Variants in EVC2 observed in about 807,000 individuals in gnomAD.
The protein encoded by EVC2 is EvC ciliary complex subunit 2, also known as limbin.
A neutral mutation model predicts 149.3 loss-of-function variants in EVC2; 148 were observed. The observed-to-expected ratio is 0.99, with a 90% confidence interval of 0.87 to 1.14. EVC2 has a LOEUF of 1.14. EVC2 is among the 50% of genes most tolerant of loss of function. The pLI is 0.00. For synonymous variants in EVC2, 776 were observed against 649.9 expected (o/e 1.19, Z -2.95); for missense variants, 1,854 against 1,627.3 (o/e 1.14, Z -2.40).
chr4:5,698,928 G>A (rs901628690), intron 1 of EVC2, among the ~76,000 whole-genome samples: 3 of 152,220 alleles, frequency 2.0e-5, no homozygotes, highest in East Asian at 1.9e-4. Context: ...TGGCTCTCAC[G>A]CGGGCCAGAC....
At chr4:5,693,197 T>A (rs191202135) in intron 3 of EVC2, among the ~76,000 whole-genome samples, 2 of 152,210 alleles carry the variant, frequency 1.3e-5, no homozygotes, top group Admixed American at 1.3e-4. Flanking sequence ...ACGAGTTACC[T>A]GTAACTGGAG....
rs897285996 is a variant in EVC2 at position 5,686,830 on chromosome 4, G to A, written c.707-1351C>T. Among the ~76,000 whole-genome samples the A allele has an allele frequency of 2.0e-5, 3 of 151,656 alleles. No individual in the cohort carries two copies. Among genetic ancestry groups the A allele is most frequent in the Admixed American group, 6.6e-5 (1 of 15,228 alleles). ...CCTGTGCCCCAAGGTGAAAATCAAT[G>A]TCACATTCCTTGGCGTAGCGGTGAG... On this transcript the variant is annotated intron_variant, in intron 5 of 21. Transcript: ENST00000344408. This position sits in a 1 kb window ranked among gnomAD's most constrained non-coding sequence, Gnocchi z 5.4.
At chr4:5,682,774 G>A (rs145696745) in intron 6 of EVC2, among the ~76,000 whole-genome samples, 2 of 151,304 alleles carry the variant, frequency 1.3e-5, no homozygotes, top group Admixed American at 6.6e-5. Context: ...GAGGAGAATC[G>A]CTTGAACCTG....
At chr4:5,655,945 A>G (rs1718495066) in intron 9 of EVC2, among the ~76,000 whole-genome samples, 1 of 152,232 alleles carries the variant, frequency 6.6e-6, no homozygotes, top group Non-Finnish European at 1.5e-5. Context: ...GTTCAATTCC[A>G]GAACTATTTC....
chr4:5,579,453 T>TA (rs1389815728), intron 17 of EVC2, among the ~76,000 whole-genome samples: 1 of 152,134 alleles, frequency 6.6e-6, no homozygotes, highest in Non-Finnish European at 1.5e-5. Context: ...ATCAGACTAG[T>TA]GAAGCTGGGC....
chr4:5,662,079 C>T (rs567653221), intron 9 of EVC2, among the ~76,000 whole-genome samples: 1 of 152,254 alleles, frequency 6.6e-6, no homozygotes, highest in South Asian at 2.1e-4. Context: ...CCCCTGCTGC[C>T]TCTTCTTTAT....
chr4:5,629,485 T>C (rs1309468030), intron 11 of EVC2, among the ~76,000 whole-genome samples: 1 of 152,234 alleles, frequency 6.6e-6, no homozygotes, highest in Non-Finnish European at 1.5e-5. Flanking sequence ...GGCATAGTAA[T>C]TAGACCAGGA....
the EVC2 span, among the ~76,000 whole-genome samples, chr4:5,534,549 A>G: frequency 6.6e-6 from 1 of 152,238 alleles, no homozygotes. Flanking sequence ...GAGGATTGTG[A>G]TACAGTGCTA....
chr4:5,582,693 G>T (rs921689539), intron 17 of EVC2, among the ~76,000 whole-genome samples: 1 of 152,192 alleles, frequency 6.6e-6, no homozygotes, highest in African/African-American at 2.4e-5. Context: ...CATGGTATTT[G>T]GGTGGGACTA....
chr4:5,683,768 C>A (rs1560222247), intron 6 of EVC2, among the ~76,000 whole-genome samples: 1 of 152,032 alleles, frequency 6.6e-6, no homozygotes, highest in African/African-American at 2.4e-5. Context: ...CAAGCCAGCC[C>A]GGCCCAGGAA....
chr4:5,618,419 G>T lies in EVC2; in HGVS notation c.2706+59C>A. 1.2e-6 allele frequency: 2 copies of T among 1,601,046 alleles called. No individual in the cohort carries two copies. The highest frequency in any genetic ancestry group is 1.1e-5 in the South Asian group (1 of 90,196). On this transcript the variant is annotated intron_variant, in intron 15 of 21. Coordinates refer to ENST00000344408, the MANE Select transcript of EVC2 (RefSeq NM_147127.5). The surrounding 1 kb of genome is among the most constrained non-coding windows in gnomAD (Gnocchi z 4.4). ...CTGGGGAAGAGGCCAGACCCTGTAG[G>T]GCCAGCAGCTGGGAGACGGCCCTGC...
intron 14 of EVC2, among the ~76,000 whole-genome samples, chr4:5,621,208 T>C (rs1347952551): frequency 2.6e-5 from 4 of 152,200 alleles, no homozygotes; most frequent in Non-Finnish European, 4.4e-5. Flanking sequence ...CATTAAATCA[T>C]GGAGGCCAGC....
intron 16 of EVC2, among the ~76,000 whole-genome samples, chr4:5,603,031 G>A (rs1714117554): frequency 6.6e-6 from 1 of 152,188 alleles, no homozygotes; most frequent in Admixed American, 6.5e-5. Context: ...CTGTTTAAAA[G>A]AAGGCATGCG....
chr4:5,568,405 G>C, intron 20 of EVC2, 39 bp downstream of exon 20: 1 of 1,534,326 alleles, frequency 6.5e-7, no homozygotes, highest in Non-Finnish European at 8.7e-7. Flanking sequence ...CTTGTGGACA[G>C]GGACGTGCCC....
At chr4:5,650,638 T>TATATATATATAGAGAGAGAGAGAG (rs1162935817) in intron 9 of EVC2, among the ~76,000 whole-genome samples, 3 of 45,088 alleles carry the variant, frequency 6.7e-5, no homozygotes, top group Non-Finnish European at 1.2e-4. Flanking sequence ...TATATATATA[T>TATATATATATAGAGAGAGAGAGAG]AGAGAGAGAG....
intron 9 of EVC2, among the ~76,000 whole-genome samples, chr4:5,642,472 G>C (rs192608544): frequency 6.6e-6 from 1 of 152,074 alleles, no homozygotes; most frequent in East Asian, 1.9e-4. Context: ...TTTATCATGT[G>C]ATAGACCACC....
rs942506078 is a variant in EVC2 at position 5,686,215 on chromosome 4, T to C, written c.707-736A>G. On this transcript the variant is annotated intron_variant, in intron 5 of 21. Coordinates refer to ENST00000344408, the MANE Select transcript of EVC2 (RefSeq NM_147127.5). The surrounding 1 kb of genome is among the most constrained non-coding windows in gnomAD (Gnocchi z 5.4). ...AAAATCCTCAACATTTTCATTTTTATTTAAAATTTTTTATTTATTTATTTC... is the reference window on the plus strand; with the variant it reads ...AAAATCCTCAACATTTTCATTTTTACTTAAAATTTTTTATTTATTTATTTC... 6.6e-6 allele frequency among the ~76,000 whole-genome samples: 1 copy of C among 152,088 alleles called. No individual in the cohort carries two copies. The highest frequency in any genetic ancestry group is 2.4e-5 in the African/African-American group (1 of 41,418).
At chr4:5,667,651 C>G (rs1018964141) in intron 7 of EVC2, among the ~76,000 whole-genome samples, 2 of 152,202 alleles carry the variant, frequency 1.3e-5, no homozygotes, top group Non-Finnish European at 2.9e-5. Flanking sequence ...AAACCAGGCA[C>G]ATGCTTCCAG....
intron 17 of EVC2, among the ~76,000 whole-genome samples, chr4:5,581,525 T>G (rs1466741806): frequency 6.6e-6 from 1 of 152,074 alleles, no homozygotes; most frequent in Non-Finnish European, 1.5e-5. Context: ...AATTTTTAAT[T>G]TGAGAGTGAT....
Sources: allele counts gnomAD v4.1 joint callset (sites outside exome capture counted in the v4.1 genomes callset), GRCh38; gene constraint gnomAD v4.1.1; non-coding constraint Gnocchi (gnomAD v3.1); transcripts MANE v1.5; gene names NCBI Gene and HGNC (gene_info 2026-07-23, HGNC 2026-07-21).